The following PCDHGA3 variants were observed in gnomAD, a reference collection of about 807,000 sequenced individuals.
The protein encoded by PCDHGA3 is protocadherin gamma-A3.
PCDHGA3 carries 40 observed loss-of-function variants against 58.5 expected under a neutral mutation model. That is an observed-to-expected ratio of 0.68 (90% confidence interval 0.53 to 0.89). The LOEUF is 0.89. PCDHGA3 is among the 40% of genes least tolerant of loss of function. PCDHGA3 has a pLI of 0.00. For synonymous variants in PCDHGA3, 530 were observed against 525.7 expected (o/e 1.01, Z -0.11); for missense variants, 1,223 against 1,195.9 (o/e 1.02, Z -0.33).
rs181806844 is a variant in PCDHGA3 at position 141,445,046 on chromosome 5, G to T, written c.2425-49761G>T. Among the ~76,000 whole-genome samples the T allele has an allele frequency of 1.2e-4, 19 of 152,248 alleles. No individual in the cohort carries two copies. The East Asian group carries it at 3.7e-3, about 29-fold the overall frequency. ...TCAGCTATGTTGTATAGTTTTCAGT[G>T]TAGAGAGGTCATGTATATTTCTCAT... On this transcript the variant is annotated intron_variant, in intron 1 of 3. Transcript: ENST00000253812.
At chr5:141,394,923 T>G in intron 1 of PCDHGA3, 2 of 1,613,816 alleles carry the variant, frequency 1.2e-6, no homozygotes, top group Non-Finnish European at 8.5e-7. Context: ...CTCCTGTGTC[T>G]TCCTCGCCTT....
chr5:141,492,558 G>A (rs879634396), intron 1 of PCDHGA3, among the ~76,000 whole-genome samples: 1 of 152,236 alleles, frequency 6.6e-6, no homozygotes, highest in South Asian at 2.1e-4. Context: ...CGCCTGGGGG[G>A]CGGCCTGAGC....
chr5:141,462,883 A>T (rs557432183), intron 1 of PCDHGA3, among the ~76,000 whole-genome samples: 9 of 152,230 alleles, frequency 5.9e-5, no homozygotes, highest in African/African-American at 2.2e-4. Context: ...GAACTATTGC[A>T]GTTTGTTTTG....
intron 1 of PCDHGA3, chr5:141,370,818 ATCAGCGAACTGGCTC>A (rs758994219): frequency 6.2e-7 from 1 of 1,614,074 alleles, no homozygotes; most frequent in South Asian, 1.1e-5. Flanking sequence ...TGAGCTGGAA[ATCAGCGAACTGGCTC>A]TCACTGGAGC....
intron 1 of PCDHGA3, chr5:141,418,431 A>T (rs751083183): frequency 1.9e-6 from 3 of 1,614,000 alleles, no homozygotes; most frequent in East Asian, 2.2e-5. Flanking sequence ...GGTGGCAAAT[A>T]TCCAGAATTA....
rs2099749632 is a variant in PCDHGA3, at chr5:141,493,698, C to T, written c.2425-1109C>T. The stretch of plus-strand genomic sequence containing the variant: ...AGAATGGTGCTGGTGACTCCCGATA[C>T]ACCTGGAATGCTAGGTTTCTGGGTT... On this transcript the variant is annotated intron_variant, in intron 1 of 3. Transcript: ENST00000253812. This position sits in a 1 kb window ranked among gnomAD's most constrained non-coding sequence, Gnocchi z 4.3. Among the ~76,000 whole-genome samples the T allele has an allele frequency of 6.6e-6, 1 of 152,208 alleles. No individual in the cohort carries two copies. Among genetic ancestry groups the T allele is most frequent in the Non-Finnish European group, 1.5e-5 (1 of 68,034 alleles).
Position 141,489,857 on chromosome 5 carries a change from C to T in PCDHGA3, c.2425-4950C>T. 2 of 1,614,166 alleles carry T rather than the reference C, an allele frequency of 1.2e-6. No individual in the cohort carries two copies. On this transcript the variant is annotated intron_variant, in intron 1 of 3. Coordinates refer to ENST00000253812, the MANE Select transcript of PCDHGA3 (RefSeq NM_018916.4). This position sits in a 1 kb window ranked among gnomAD's most constrained non-coding sequence, Gnocchi z 4.5. ...CAGCAGCTGGATCGTGAAGCCCAGGCAAGACATCAGCTGGTGCTTACTGCT... is the reference window on the plus strand; with the variant it reads ...CAGCAGCTGGATCGTGAAGCCCAGGTAAGACATCAGCTGGTGCTTACTGCT...
In PCDHGA3 at chr5:141,431,370, A is replaced by G; in HGVS notation, c.2425-63437A>G. ...CTGAAACGCGCCCTGGACCGCGAAG[A>G]AAAGGCTGCTCACCACCTGGTCCTT... is the stretch of plus-strand genomic sequence containing the variant. On this transcript the variant is annotated intron_variant, in intron 1 of 3. Coordinates refer to ENST00000253812, the MANE Select transcript of PCDHGA3 (RefSeq NM_018916.4). The surrounding 1 kb of genome is among the most constrained non-coding windows in gnomAD (Gnocchi z 4.8). 1 of 1,613,946 alleles carries G rather than the reference A, an allele frequency of 6.2e-7. No homozygotes were observed. The highest frequency in any genetic ancestry group is 8.5e-7 in the Non-Finnish European group (1 of 1,180,014).
chr5:141,389,742 C>T (rs1477462199), intron 1 of PCDHGA3: 2 of 1,612,602 alleles, frequency 1.2e-6, no homozygotes, highest in Non-Finnish European at 1.7e-6. Context: ...CCTGGGGCTG[C>T]GCACGGGCGA....
intron 1 of PCDHGA3, chr5:141,393,440 C>G (rs777552488): frequency 6.2e-7 from 1 of 1,614,042 alleles, no homozygotes; most frequent in Admixed American, 1.7e-5. Context: ...CTGCTCACCA[C>G]CTGGTCCTCA....
intron 1 of PCDHGA3, chr5:141,364,759 T>C: frequency 1.2e-6 from 2 of 1,613,952 alleles, no homozygotes; most frequent in Non-Finnish European, 1.7e-6. Context: ...TAAAAGTTAA[T>C]GAAAATGCGG....
intron 1 of PCDHGA3, chr5:141,394,655 G>A (rs780779279): frequency 2.7e-5 from 43 of 1,613,284 alleles, no homozygotes; most frequent in Admixed American, 5.0e-5. Flanking sequence ...CCAGCGAGCC[G>A]GGACTCTTCT....
At chr5:141,370,524 G>C in intron 1 of PCDHGA3, 1 of 1,613,890 alleles carries the variant, frequency 6.2e-7, no homozygotes, top group Non-Finnish European at 8.5e-7. Context: ...GCTGGACAGG[G>C]GCTCGCTGGT....
At position 141,474,586 on chromosome 5, in the gene PCDHGA3, A is replaced by T. The variant is rs149003643; in HGVS notation, c.2425-20221A>T. 7.1e-4 allele frequency among the ~76,000 whole-genome samples: 108 copies of T among 152,340 alleles called. No individual in the cohort carries two copies. The East Asian group carries it at 0.015, about 21-fold the overall frequency. The stretch of plus-strand genomic sequence containing the variant: ...TCAGAGATTAATTGAAGTGTTAAAG[A>T]CATGGAAATATAGGTCACATATGGC... On this transcript the variant is annotated intron_variant, in intron 1 of 3. Coordinates refer to ENST00000253812, the MANE Select transcript of PCDHGA3 (RefSeq NM_018916.4).
chr5:141,400,368 C>T lies in PCDHGA3; in HGVS notation c.2424+53911C>T. On this transcript the variant is annotated intron_variant, in intron 1 of 3. Coordinates refer to ENST00000253812, the MANE Select transcript of PCDHGA3 (RefSeq NM_018916.4). ...ACAGTCAGGGGACTTTGCCTTATTC[C>T]TACAACCTATGTGTTGCACATACAG... is the stretch of plus-strand genomic sequence containing the variant. 8.1e-6 allele frequency: 13 copies of T among 1,614,044 alleles called. No homozygotes were observed. The highest frequency in any genetic ancestry group is 1.6e-4 in the Middle Eastern group (1 of 6,062).
Position 141,510,942 on chromosome 5 carries a change from T to C in PCDHGA3, c.2573-5T>C, listed in dbSNP as rs769766039. On this transcript the variant is annotated splice_region_variant and splice_polypyrimidine_tract_variant and intron_variant, in intron 3 of 3. Transcript: ENST00000253812. ...CTCCCACCTGATCTTCCTCTGTCTCTGCAGAAGCTGCTGATGGGAGCTCCA... is the reference window on the plus strand; with the variant it reads ...CTCCCACCTGATCTTCCTCTGTCTCCGCAGAAGCTGCTGATGGGAGCTCCA... 5 of 1,613,984 alleles carry C rather than the reference T, an allele frequency of 3.1e-6. No homozygotes were observed. The highest frequency in any genetic ancestry group is 4.2e-6 in the Non-Finnish European group (5 of 1,180,014).
chr5:141,392,964 G>A (rs772870041), intron 1 of PCDHGA3: 2 of 1,613,902 alleles, frequency 1.2e-6, no homozygotes, highest in South Asian at 1.1e-5. Context: ...TATCTCCAAG[G>A]ACCTGGGGCT....
intron 2 of PCDHGA3, among the ~76,000 whole-genome samples, chr5:141,497,264 A>G (rs2154592078): frequency 6.6e-6 from 1 of 152,258 alleles, no homozygotes; most frequent in East Asian, 1.9e-4. Flanking sequence ...GAGAAGTTCT[A>G]GGCCATTTAT....
Position 141,344,095 on chromosome 5 carries a change from G to C in PCDHGA3, c.62G>C (p.Gly21Ala). The part of the protein sequence containing the change: ...RGLALLCALL[G>A]TLCETGSGQI... ...CTGGCCCTGCTGTGCGCGCTCCTGGGGACGCTGTGCGAAACAGGATCCGGT... is the reference window on the plus strand; with the variant it reads ...CTGGCCCTGCTGTGCGCGCTCCTGGCGACGCTGTGCGAAACAGGATCCGGT... The change falls in exon 1 of 4, where the codon GGG becomes GCG. Residue 21 changes from glycine to alanine, a missense_variant. By Grantham distance (60) the Gly-to-Ala change is moderately conservative. Transcript: ENST00000253812. 1 of 1,613,702 alleles carries C rather than the reference G, an allele frequency of 6.2e-7. No individual in the cohort carries two copies. Among genetic ancestry groups the C allele is most frequent in the Non-Finnish European group, 8.5e-7 (1 of 1,179,658 alleles).
Sources: gnomAD v4.1 joint callset for allele counts (sites outside exome capture counted in the v4.1 genomes callset) on GRCh38, gnomAD v4.1.1 for gene constraint, Gnocchi (gnomAD v3.1) non-coding constraint, MANE v1.5 for transcripts, NCBI Gene and HGNC (gene_info 2026-07-23, HGNC 2026-07-21) for gene names.